ANKDD1B: variants seen among roughly 807,000 people sequenced by gnomAD.
ANKDD1B encodes ankyrin repeat and death domain containing 1B.
ANKDD1B carries 57 observed loss-of-function variants against 59.7 expected under a neutral mutation model. The observed-to-expected ratio is 0.95, with a 90% CI of 0.77 to 1.19. The LOEUF is 1.19. ANKDD1B is among the 50% of genes most tolerant of loss of function. The pLI is 0.00. For missense variants in ANKDD1B, 602 were observed against 641.9 expected (o/e 0.94, Z 0.67); for synonymous variants, 216 against 239.5 (o/e 0.90, Z 0.91).
In ANKDD1B at chr5:75,653,070, T is replaced by C. The variant is rs969444797; in HGVS notation, c.799-72T>C. The C allele has an allele frequency of 8.9e-6, 9 of 1,013,512 alleles. No homozygotes were observed. In the East Asian group the frequency reaches 1.3e-4, roughly 15 times the overall value. The allele number at this position is 1,013,512 out of a possible 1,614,324, so 62.8% of individuals were successfully genotyped here. A position where few individuals can be genotyped will look rare whatever the true frequency, so the allele number is the denominator to read the frequency against. On this transcript the variant is annotated intron_variant, in intron 7 of 13. Coordinates refer to ENST00000601380, the MANE Select transcript of ANKDD1B (RefSeq NM_001276713.2). ...ATTTCATTGTATTAACTGATTACCA[T>C]GTCATAAACACCAGAAAACATGCTG...
At chr5:75,621,769 A>T (rs939013921) in intron 3 of ANKDD1B, among the ~76,000 whole-genome samples, 2 of 152,216 alleles carry the variant, frequency 1.3e-5, no homozygotes, top group Non-Finnish European at 2.9e-5. Context: ...CAAATCAATT[A>T]TTCCTGAAAT....
chr5:75,661,414 A>AAAAAAAAAAAAAAAAAAAG (rs1471501853), intron 10 of ANKDD1B, among the ~76,000 whole-genome samples: 5 of 131,420 alleles, frequency 3.8e-5, no homozygotes, highest in African/African-American at 7.0e-5. Flanking sequence ...AAAAAAAAAA[A>AAAAAAAAAAAAAAAAAAAG]AAAAAAAAAA....
At chr5:75,646,742 A>G (rs1317529934) in intron 7 of ANKDD1B, among the ~76,000 whole-genome samples, 1 of 80,648 alleles carries the variant, frequency 1.2e-5, no homozygotes, top group Non-Finnish European at 2.0e-5. Context: ...CAGAATTGGA[A>G]AAAACTACTT....
At chr5:75,616,968 G>C in intron 2 of ANKDD1B, 61 bp downstream of exon 2, 1 of 698,998 alleles carries the variant, frequency 1.4e-6, no homozygotes, top group Non-Finnish European at 2.3e-6. Context: ...ATTTACACAG[G>C]ACATCTGAAA....
intron 5 of ANKDD1B, among the ~76,000 whole-genome samples, chr5:75,630,756 A>G (rs1774129911): frequency 6.6e-6 from 1 of 152,238 alleles, no homozygotes; most frequent in South Asian, 2.1e-4. Context: ...AAAGAGTTTG[A>G]GGGTGTATCT....
chr5:75,625,679 G>T lies in ANKDD1B; in HGVS notation c.429G>T (p.Trp143Cys), dbSNP rs1001552124. The change falls in exon 4 of 14, where the codon TGG becomes TGT. Residue 143 changes from tryptophan to cysteine, a missense_variant. By Grantham distance (215) the Trp-to-Cys change is radical. Transcript: ENST00000601380. ...TGACAGTAATTCACCTTGCAGCCTG[G>T]TCTGGGAGCCTTGAGGTCATGCTCA... is the stretch of plus-strand genomic sequence containing the variant. Reference protein sequence around the residue: ...HGLTVIHLAAWSGSLEVMLML... With the variant: ...HGLTVIHLAACSGSLEVMLML... 3 of 1,536,502 alleles carry T rather than the reference G, an allele frequency of 2.0e-6. No homozygotes were observed. Among genetic ancestry groups the T allele is most frequent in the Non-Finnish European group, 2.6e-6 (3 of 1,146,996 alleles).
chr5:75,666,789 T>C lies in ANKDD1B; in HGVS notation c.1192-3T>C, dbSNP rs1775316887. 2 of 1,529,688 alleles carry C rather than the reference T, an allele frequency of 1.3e-6. No individual in the cohort carries two copies. Among genetic ancestry groups the C allele is most frequent in the Non-Finnish European group, 1.8e-6 (2 of 1,141,300 alleles). The allele number at this position is 1,529,688 out of a possible 1,614,324, so 94.8% of individuals were successfully genotyped here. A position where few individuals can be genotyped will look rare whatever the true frequency, so the allele number is the denominator to read the frequency against. ...TCTTCTGATACAATTATTTTCACTT[T>C]AGGAGCATCATGAGAGCATCAGGGA... On this transcript the variant is annotated splice_region_variant and splice_polypyrimidine_tract_variant and intron_variant, in intron 11 of 13. Transcript: ENST00000601380.
At chr5:75,654,399 T>C (rs1316577650) in intron 8 of ANKDD1B, among the ~76,000 whole-genome samples, 6 of 152,330 alleles carry the variant, frequency 3.9e-5, no homozygotes, top group South Asian at 2.1e-4. Context: ...AAGTGGGGAA[T>C]ATGAGATCAA....
At chr5:75,667,607 A>T (rs1474699302) in intron 12 of ANKDD1B, among the ~76,000 whole-genome samples, 1 of 152,212 alleles carries the variant, frequency 6.6e-6, no homozygotes, top group African/African-American at 2.4e-5. Context: ...AACTGTCATA[A>T]TTAGTGAAGT....
intron 5 of ANKDD1B, among the ~76,000 whole-genome samples, chr5:75,630,358 T>C (rs1774116486): frequency 6.6e-6 from 1 of 152,260 alleles, no homozygotes; most frequent in Non-Finnish European, 1.5e-5. Context: ...TTCATATATT[T>C]ATTACAGATT....
chr5:75,651,486 G>A (rs1477179001), intron 7 of ANKDD1B, among the ~76,000 whole-genome samples: 2 of 152,234 alleles, frequency 1.3e-5, no homozygotes, highest in Admixed American at 6.5e-5. Context: ...GCACAGGGAA[G>A]GAGAGGCGCT....
At chr5:75,648,270 A>AAAAAAAAAAATT (rs534295373) in intron 7 of ANKDD1B, among the ~76,000 whole-genome samples, 49,031 of 86,760 alleles carry the variant, frequency 0.57, 12,012 homozygotes, top group Middle Eastern at 0.64. Flanking sequence ...AAAAAATTAA[A>AAAAAAAAAAATT]AAAAAAAAAA....
intron 1 of ANKDD1B, 40 bp from the exon 2 acceptor site, chr5:75,616,764 C>T (rs1258811989): frequency 5.9e-6 from 6 of 1,014,764 alleles, no homozygotes; most frequent in Non-Finnish European, 8.7e-6. Flanking sequence ...CTTTGGCCTC[C>T]TTAAATTCCC....
intron 10 of ANKDD1B, among the ~76,000 whole-genome samples, chr5:75,662,230 A>C (rs1775175035): frequency 6.6e-6 from 1 of 152,164 alleles, no homozygotes; most frequent in Non-Finnish European, 1.5e-5. Context: ...GCTCTGCAAG[A>C]CAGAATGTAG....
intron 7 of ANKDD1B, among the ~76,000 whole-genome samples, chr5:75,650,731 G>C (rs1774809030): frequency 6.6e-6 from 1 of 152,184 alleles, no homozygotes; most frequent in South Asian, 2.1e-4. Flanking sequence ...GTTGGCATCT[G>C]TTCCATTATC....
intron 7 of ANKDD1B, among the ~76,000 whole-genome samples, chr5:75,637,119 C>A (rs1431961824): frequency 6.6e-6 from 1 of 151,342 alleles, no homozygotes; most frequent in Non-Finnish European, 1.5e-5. Context: ...CTGACGGGTG[C>A]CTGTGATCCC....
intron 7 of ANKDD1B, among the ~76,000 whole-genome samples, chr5:75,651,769 G>T (rs1774837700): frequency 6.6e-6 from 1 of 152,188 alleles, no homozygotes; most frequent in African/African-American, 2.4e-5. Flanking sequence ...GTCTTAGTCA[G>T]CTCAGGCTGC....
rs1406895374 is a variant in ANKDD1B at position 75,643,762 on chromosome 5, C to T, written c.798+7880C>T. 9.7e-5 allele frequency among the ~76,000 whole-genome samples: 3 copies of T among 30,824 alleles called. 1 individual carries two copies. The highest frequency in any genetic ancestry group is 1.5e-3 in the East Asian group (2 of 1,350). The allele number at this position is 30,824 out of a possible 152,430, so 20.2% of individuals were successfully genotyped here. A position where few individuals can be genotyped will look rare whatever the true frequency, so the allele number is the denominator to read the frequency against. ...ATACAGATAACACCACAAAGATACT[C>T]CTCGAGAAGAGCAACTCCAAGACAC... On this transcript the variant is annotated intron_variant, in intron 7 of 13. Transcript: ENST00000601380.
intron 5 of ANKDD1B, among the ~76,000 whole-genome samples, chr5:75,631,691 G>A (rs562524025): frequency 8.5e-5 from 13 of 152,316 alleles, no homozygotes; most frequent in African/African-American, 4.8e-5. Flanking sequence ...GTGTCATGAA[G>A]AGAAAACAGC....
Sources: gnomAD v4.1 joint callset for allele counts (sites outside exome capture counted in the v4.1 genomes callset) on GRCh38, gnomAD v4.1.1 for gene constraint, MANE v1.5 for transcripts, NCBI Gene and HGNC (gene_info 2026-07-23, HGNC 2026-07-21) for gene names.